The following GPAM variants were observed in gnomAD, a reference collection of about 807,000 sequenced individuals.
The protein encoded by GPAM is glycerol-3-phosphate acyltransferase, mitochondrial.
In GPAM, 56 loss-of-function variants were observed where a neutral mutation model predicts 105.0. That is an observed-to-expected ratio of 0.53 (90% CI 0.43 to 0.67). The LOEUF (loss-of-function observed/expected upper bound fraction) is 0.67. Among genes scored for constraint, GPAM ranks in the 30% least tolerant of loss-of-function variants. The probability of loss-of-function intolerance (pLI) is 0.00; values close to 1 mark genes in which losing one functional copy is unlikely to be tolerated. For missense variants in GPAM, 855 were observed against 989.8 expected, an observed-to-expected ratio of 0.86 and a Z score of 1.83; for synonymous variants, 368 against 354.4, an observed-to-expected ratio of 1.04 and a Z score of -0.43.
chr10:112,168,999 A>G (rs1847267774), intron 9 of GPAM, 47 bp from the exon 10 acceptor site: 1 of 1,186,804 alleles, frequency 8.4e-7, no homozygotes, highest in Admixed American at 1.7e-5. Flanking sequence ...AAATGTAAAA[A>G]GAATACTCAC....
intron 9 of GPAM, 90 bp downstream of exon 9, chr10:112,172,092 C>T (rs1273336217): frequency 3.1e-6 from 3 of 976,750 alleles, no homozygotes; most frequent in Non-Finnish European, 4.8e-6. Context: ...GTCATCTTTA[C>T]AATAACATAT....
intron 14 of GPAM, among the ~76,000 whole-genome samples, chr10:112,163,462 T>A (rs1189529736): frequency 6.6e-6 from 1 of 152,158 alleles, no homozygotes; most frequent in Non-Finnish European, 1.5e-5. Flanking sequence ...ATAACTATTT[T>A]TAAAAAGTAC....
rs189286738 is a variant in GPAM, at chr10:112,150,693, C to T, written c.*2857G>A. 1.1e-4 allele frequency: 105 copies of T among 943,330 alleles called. No individual in the cohort carries two copies. Among genetic ancestry groups the T allele is most frequent in the African/African-American group, 7.1e-4 (40 of 56,436 alleles). The allele number at this position is 943,330 out of a possible 1,614,324, so 58.4% of individuals were successfully genotyped here. On this transcript the variant is annotated 3_prime_UTR_variant, in exon 22 of 22. Coordinates refer to ENST00000348367, the MANE Select transcript of GPAM (RefSeq NM_001244949.2). Reference sequence around the variant, plus strand: ...GCTGGGTTAGACAGTTTTTCACTACCGGATGCCAAGCCCTTACTGCGCTAA... The same window carrying T: ...GCTGGGTTAGACAGTTTTTCACTACTGGATGCCAAGCCCTTACTGCGCTAA...
At chr10:112,176,517 A>G (rs1027548808) in intron 5 of GPAM, among the ~76,000 whole-genome samples, 3 of 152,248 alleles carry the variant, frequency 2.0e-5, no homozygotes, top group Non-Finnish European at 4.4e-5. Flanking sequence ...ATAGAGAAAA[A>G]GTAACTTGAA....
At chr10:112,209,554 G>A (rs1170229712) in intron 1 of GPAM, among the ~76,000 whole-genome samples, 1 of 152,128 alleles carries the variant, frequency 6.6e-6, no homozygotes, top group Non-Finnish European at 1.5e-5. Flanking sequence ...AGATGTCCAA[G>A]TGGGAACAGA....
chr10:112,199,838 C>G (rs1215797905), intron 1 of GPAM, among the ~76,000 whole-genome samples: 1 of 152,076 alleles, frequency 6.6e-6, no homozygotes. Flanking sequence ...ACCATGGGAA[C>G]AGTATGGGGG....
intron 1 of GPAM, among the ~76,000 whole-genome samples, chr10:112,192,532 C>T (rs1443942488): frequency 1.3e-5 from 2 of 152,028 alleles, no homozygotes; most frequent in Admixed American, 1.3e-4. Context: ...AGGGCCTGGC[C>T]AAGACAGGAG....
chr10:112,157,307 C>G lies in GPAM; in HGVS notation c.2063G>C (p.Ser688Thr), dbSNP rs1166553742. ...GTCACTGTCTTCATCTTCTTCATCA[C>G]TTCTCCAAGACAAAGGTTCTGGAAG... ...KKLPEPLSWRSDEEDEDSDFG... is the reference protein window; with the variant it reads ...KKLPEPLSWRTDEEDEDSDFG... The change falls in exon 19 of 22, where the codon AGT becomes ACT. Residue 688 changes from serine to threonine, a missense_variant. Coordinates refer to ENST00000348367, the MANE Select transcript of GPAM (RefSeq NM_001244949.2). 6.2e-7 allele frequency: 1 copy of G among 1,613,574 alleles called. No individual in the cohort carries two copies. The highest frequency in any genetic ancestry group is 2.2e-5 in the East Asian group (1 of 44,890).
chr10:112,179,934 A>G (rs1479214906), intron 4 of GPAM, among the ~76,000 whole-genome samples: 1 of 152,126 alleles, frequency 6.6e-6, no homozygotes, highest in African/African-American at 2.4e-5. Flanking sequence ...TGCAAAAGAT[A>G]TTGCATGGCT....
At chr10:112,215,800 C>T (rs1847961429), upstream of GPAM, among the ~76,000 whole-genome samples, 1 of 152,154 alleles carries the variant, frequency 6.6e-6, no homozygotes, top group African/African-American at 2.4e-5. Flanking sequence ...ACCAGATGTG[C>T]AGCTCACTGA....
intron 9 of GPAM, among the ~76,000 whole-genome samples, 195 bp from the exon 10 acceptor site, chr10:112,169,147 T>C (rs1847270637): frequency 6.6e-6 from 1 of 152,338 alleles, no homozygotes; most frequent in Non-Finnish European, 1.5e-5. Context: ...TGTTCATCAG[T>C]CTTTGGGATA....
intron 11 of GPAM, 95 bp downstream of exon 11, chr10:112,168,217 A>C (rs1213381307): frequency 1.3e-6 from 1 of 784,872 alleles, no homozygotes; most frequent in Non-Finnish European, 2.2e-6. Flanking sequence ...GGGAGTACCA[A>C]AAAAAATTCT....
At chr10:112,213,203 T>C (rs1847931936) in intron 1 of GPAM, among the ~76,000 whole-genome samples, 1 of 152,190 alleles carries the variant, frequency 6.6e-6, no homozygotes, top group Admixed American at 6.5e-5. Flanking sequence ...CATTTCTCAC[T>C]GGCTCTTTCA....
intron 9 of GPAM, among the ~76,000 whole-genome samples, chr10:112,169,720 C>T (rs1050975185): frequency 2.6e-5 from 4 of 152,190 alleles, no homozygotes; most frequent in African/African-American, 9.7e-5. Flanking sequence ...GGACCAATAC[C>T]GGTCCCCGGC....
chr10:112,217,747 G>A (rs1847985331), upstream of GPAM, among the ~76,000 whole-genome samples: 1 of 152,082 alleles, frequency 6.6e-6, no homozygotes, highest in African/African-American at 2.4e-5. Context: ...TTTCAAAGAT[G>A]AGGTGCTGGA....
rs1421420457 is a variant in GPAM at position 112,152,719 on chromosome 10, G to T, written c.*831C>A. The T allele has an allele frequency of 6.1e-6, 6 of 981,856 alleles. No homozygotes were observed. The South Asian group carries it at 2.8e-4, about 46-fold the overall frequency. 60.8% of individuals were successfully genotyped at this position (981,856 alleles called of 1,614,324 possible). A position where few individuals can be genotyped will look rare whatever the true frequency, so the allele number is the denominator to read the frequency against. ...GGCAGGTATTACCTGAGGGGTGGACGAGGTACAGACATAAAACAGGAAGGG... is the reference window on the plus strand; with the variant it reads ...GGCAGGTATTACCTGAGGGGTGGACTAGGTACAGACATAAAACAGGAAGGG... On this transcript the variant is annotated 3_prime_UTR_variant, in exon 22 of 22. Coordinates refer to ENST00000348367, the MANE Select transcript of GPAM (RefSeq NM_001244949.2).
rs565781157 is a variant in GPAM, at chr10:112,173,683, C to T, written c.560+16G>A. 87 of 1,612,732 alleles carry T rather than the reference C, an allele frequency of 5.4e-5. 1 individual carries two copies. The South Asian group carries it at 9.1e-4, about 17-fold the overall frequency. ...CATGGCTGTGATTGAAAGCTTTCTG[C>T]CTTGCCTTTTAATACCTGATCATTG... On this transcript the variant is annotated intron_variant, in intron 7 of 21. Coordinates refer to ENST00000348367, the MANE Select transcript of GPAM (RefSeq NM_001244949.2).
At position 112,171,296 on chromosome 10, in the gene GPAM, T is replaced by A. The variant is rs1847308604; in HGVS notation, c.794+886A>T. ...AGCCCCCATAGGGACTAGCACTGGG[T>A]CTTTAAATTCGAGCTACTAAGTACT... is the stretch of plus-strand genomic sequence containing the variant. On this transcript the variant is annotated intron_variant, in intron 9 of 21. Coordinates refer to ENST00000348367, the MANE Select transcript of GPAM (RefSeq NM_001244949.2). Among the ~76,000 whole-genome samples the A allele has an allele frequency of 2.0e-5, 3 of 152,248 alleles. No homozygotes were observed. In the South Asian group the frequency reaches 6.2e-4, roughly 32 times the overall value.
intron 16 of GPAM, chr10:112,160,361 G>A (rs1433501765): frequency 4.1e-6 from 4 of 974,766 alleles, no homozygotes; most frequent in Non-Finnish European, 4.9e-6. Context: ...TTCAGCTCCT[G>A]GATAGCAAGA....
Sources: gnomAD v4.1 joint callset for allele counts (sites outside exome capture counted in the v4.1 genomes callset) on GRCh38, gnomAD v4.1.1 for gene constraint, MANE v1.5 for transcripts, NCBI Gene and HGNC (gene_info 2026-07-23, HGNC 2026-07-21) for gene names.